OSBPL6: variants seen among roughly 807,000 people sequenced by gnomAD.
The protein encoded by OSBPL6 is oxysterol binding protein like 6, also known as oxysterol-binding protein-related protein 6.
A neutral mutation model predicts 125.8 loss-of-function variants in OSBPL6; 49 were observed. The ratio of observed to expected loss-of-function variants is 0.39; its 90% CI spans 0.31 to 0.49. The LOEUF (loss-of-function observed/expected upper bound fraction) is 0.49, where lower values mean the gene tolerates loss of function less well. Ranked by LOEUF, OSBPL6 falls within the 20% of genes least tolerant of loss-of-function variation. The pLI is 0.88. For missense variants in OSBPL6, 986 were observed against 1,135.4 expected (o/e 0.87, Z 1.89); for synonymous variants, 394 against 391.8 (o/e 1.01, Z -0.07).
chr2:178,273,432 T>C (rs1003128300), intron 1 of OSBPL6, among the ~76,000 whole-genome samples: 2 of 151,828 alleles, frequency 1.3e-5, no homozygotes, highest in Non-Finnish European at 2.9e-5. Flanking sequence ...CTACAAAAAA[T>C]AGCCAGGCAT....
chr2:178,319,275 G>C (rs1187387271), intron 3 of OSBPL6, among the ~76,000 whole-genome samples: 1 of 152,198 alleles, frequency 6.6e-6, no homozygotes, highest in East Asian at 1.9e-4. Flanking sequence ...TGAGTGTGCT[G>C]TAAGGGTAAC....
At chr2:178,254,275 C>A (rs950048102) in intron 1 of OSBPL6, among the ~76,000 whole-genome samples, 34 of 152,042 alleles carry the variant, frequency 2.2e-4, no homozygotes, top group African/African-American at 7.5e-4. Flanking sequence ...CACCTGTAAT[C>A]CCAGCTACTC....
At chr2:178,210,012 T>A (rs1189369019) in intron 1 of OSBPL6, among the ~76,000 whole-genome samples, 4 of 149,364 alleles carry the variant, frequency 2.7e-5, no homozygotes, top group African/African-American at 1.0e-4. Context: ...TTTTATTTAT[T>A]TATCTATTTA....
At chr2:178,388,170 A>G (rs755282730) in intron 20 of OSBPL6, among the ~76,000 whole-genome samples, 1 of 152,254 alleles carries the variant, frequency 6.6e-6, no homozygotes, top group African/African-American at 2.4e-5. Context: ...ATGTGATTTG[A>G]AGCTATATCA....
At chr2:178,261,913 A>G (rs2092078015) in intron 1 of OSBPL6, among the ~76,000 whole-genome samples, 1 of 152,214 alleles carries the variant, frequency 6.6e-6, no homozygotes, top group African/African-American at 2.4e-5. Flanking sequence ...CAAACCCCTC[A>G]TGTCCACAGT....
chr2:178,279,026 A>C (rs1467599801), intron 1 of OSBPL6, among the ~76,000 whole-genome samples: 1 of 152,230 alleles, frequency 6.6e-6, no homozygotes, highest in Non-Finnish European at 1.5e-5. Context: ...GAAAATGATC[A>C]AAAGTGTCTC....
chr2:178,327,774 G>A (rs1291185430), intron 4 of OSBPL6, among the ~76,000 whole-genome samples: 2 of 152,018 alleles, frequency 1.3e-5, no homozygotes, highest in African/African-American at 2.4e-5. Flanking sequence ...GAGAGCAGCC[G>A]TGACCACAGC....
chr2:178,221,687 A>G (rs901395329), intron 1 of OSBPL6, among the ~76,000 whole-genome samples: 6 of 152,258 alleles, frequency 3.9e-5, no homozygotes, highest in Non-Finnish European at 7.3e-5. Context: ...TTGACTTTGC[A>G]AAGATGTGGC....
chr2:178,247,211 T>G (rs962252723), intron 1 of OSBPL6, among the ~76,000 whole-genome samples: 4 of 152,202 alleles, frequency 2.6e-5, no homozygotes, highest in African/African-American at 9.7e-5. Context: ...GTCTATTTGT[T>G]TTGTTTTGTT....
Position 178,322,954 on chromosome 2 carries a change from G to C in OSBPL6, c.103-1223G>C, listed in dbSNP as rs563934408. Among the ~76,000 whole-genome samples the C allele has an allele frequency of 7.4e-5, 11 of 148,622 alleles. 1 individual carries two copies. In the East Asian group the frequency reaches 1.4e-3, roughly 19 times the overall value. ...AAAAAAACCTTTAAAAAAAATCTTT[G>C]TAGTCTTTACAGTAGGGAAGTTTCG... On this transcript the variant is annotated intron_variant, in intron 3 of 24. Coordinates refer to ENST00000190611, the MANE Select transcript of OSBPL6 (RefSeq NM_032523.4).
chr2:178,267,370 A>C (rs1025708016), intron 1 of OSBPL6, among the ~76,000 whole-genome samples: 10 of 151,344 alleles, frequency 6.6e-5, no homozygotes, highest in East Asian at 1.9e-4. Context: ...AAAAAAAAAA[A>C]AAAAACAAAA....
chr2:178,325,036 T>C (rs1369724781), intron 4 of OSBPL6, among the ~76,000 whole-genome samples: 2 of 152,200 alleles, frequency 1.3e-5, no homozygotes, highest in Non-Finnish European at 2.9e-5. Context: ...TGGGAGCCAG[T>C]GTTCCCTCCC....
At position 178,332,713 on chromosome 2, in the gene OSBPL6, A is replaced by C; in HGVS notation, c.445A>C (p.Arg149=). 6.2e-7 allele frequency: 1 copy of C among 1,614,214 alleles called. No homozygotes were observed. Among genetic ancestry groups the C allele is most frequent in the Non-Finnish European group, 8.5e-7 (1 of 1,180,024 alleles). ...SVMSIKKKAR[R]IDLDTEEHIY... ...CATGTCAATTAAAAAGAAAGCTCGA[A>C]GAATAGACCTTGACACCGAAGAGCA... The change falls in exon 7 of 25, where the codon AGA becomes CGA. Residue 149 remains arginine, a synonymous_variant. Coordinates refer to ENST00000190611, the MANE Select transcript of OSBPL6 (RefSeq NM_032523.4).
At chr2:178,301,399 A>G (rs934925266) in intron 2 of OSBPL6, among the ~76,000 whole-genome samples, 1 of 152,136 alleles carries the variant, frequency 6.6e-6, no homozygotes, top group African/African-American at 2.4e-5. Flanking sequence ...AATGGTTAAG[A>G]ATGGTATTGT....
At chr2:178,231,638 A>ATT (rs71023433) in intron 1 of OSBPL6, among the ~76,000 whole-genome samples, 1,565 of 84,564 alleles carry the variant, frequency 0.019, 167 homozygotes, top group African/African-American at 0.076. Context: ...GGGTGGTCCC[A>ATT]TTTTTTTTTT....
chr2:178,393,336 C>T (rs1695579933), intron 23 of OSBPL6, among the ~76,000 whole-genome samples: 1 of 152,194 alleles, frequency 6.6e-6, no homozygotes, highest in African/African-American at 2.4e-5. Context: ...ACTCAAAATA[C>T]AGTACCTTTA....
upstream of OSBPL6, chr2:178,194,388 G>C (rs889183716): frequency 6.6e-6 from 1 of 152,006 alleles, no homozygotes; most frequent in Non-Finnish European, 1.5e-5. Flanking sequence ...CCAGCCGGGC[G>C]GACGGGCGGG....
At chr2:178,354,379 G>A (rs1017028118) in intron 12 of OSBPL6, among the ~76,000 whole-genome samples, 3 of 152,106 alleles carry the variant, frequency 2.0e-5, no homozygotes, top group African/African-American at 7.2e-5. Context: ...TCAAAATAAA[G>A]GGATGGAGGA....
intron 1 of OSBPL6, among the ~76,000 whole-genome samples, chr2:178,281,754 A>G (rs1270565670): frequency 7.2e-6 from 1 of 137,956 alleles, no homozygotes; most frequent in Non-Finnish European, 1.5e-5. Context: ...AACAATGAGA[A>G]CGCATGGACA....
Sources: allele counts gnomAD v4.1 joint callset (sites outside exome capture counted in the v4.1 genomes callset), GRCh38; gene constraint gnomAD v4.1.1; transcripts MANE v1.5; gene names NCBI Gene and HGNC (gene_info 2026-07-23, HGNC 2026-07-21).